SPIRE1: variants seen among roughly 807,000 people sequenced by gnomAD.
SPIRE1 encodes protein spire homolog 1.
In SPIRE1, 40 loss-of-function variants were observed where a neutral mutation model predicts 94.1. That is an observed-to-expected ratio of 0.43 (90% CI 0.33 to 0.55). SPIRE1 has a LOEUF of 0.55. SPIRE1 is among the 20% of genes least tolerant of loss of function. SPIRE1 has a pLI of 0.06. For synonymous variants in SPIRE1, 376 were observed against 371.7 expected (o/e 1.01, Z -0.13); for missense variants, 838 against 975.2 (o/e 0.86, Z 1.87).
intron 2 of SPIRE1, among the ~76,000 whole-genome samples, chr18:12,600,894 T>C (rs1272434333): frequency 2.0e-5 from 3 of 152,086 alleles, no homozygotes; most frequent in African/African-American, 7.2e-5. Context: ...AACTAATTTT[T>C]GTGTTTTTGT....
intron 1 of SPIRE1, among the ~76,000 whole-genome samples, chr18:12,636,567 T>C (rs1191987947): frequency 6.6e-6 from 1 of 151,550 alleles, no homozygotes; most frequent in Non-Finnish European, 1.5e-5. Context: ...CAACTCCTCA[T>C]CTCTTAATGA....
At chr18:12,564,428 G>T (rs1354024568) in intron 2 of SPIRE1, among the ~76,000 whole-genome samples, 1 of 152,040 alleles carries the variant, frequency 6.6e-6, no homozygotes, top group Admixed American at 6.6e-5. Context: ...CATGTATAAG[G>T]CAAAACAAAA....
chr18:12,498,514 C>T (rs2033542872), intron 6 of SPIRE1, among the ~76,000 whole-genome samples: 1 of 152,124 alleles, frequency 6.6e-6, no homozygotes, highest in Admixed American at 6.5e-5. Context: ...TCCTAAAGTG[C>T]TGGGATTTCA....
intron 6 of SPIRE1, among the ~76,000 whole-genome samples, chr18:12,496,920 T>C (rs1240358214): frequency 1.4e-4 from 21 of 151,734 alleles, no homozygotes; most frequent in Admixed American, 1.2e-3. Flanking sequence ...ATACAAAAAT[T>C]AGCCAGGCAT....
intron 5 of SPIRE1, 76 bp from the exon 6 acceptor site, chr18:12,506,717 AAATG>A: frequency 7.4e-7 from 1 of 1,350,430 alleles, no homozygotes; most frequent in African/African-American, 1.5e-5. Context: ...CATACAGAAT[AAATG>A]AAGAGCTTGG....
intron 8 of SPIRE1, among the ~76,000 whole-genome samples, chr18:12,489,739 G>C (rs76650767): frequency 0.082 from 12,494 of 152,218 alleles, 738 homozygotes; most frequent in Non-Finnish European, 0.12. Flanking sequence ...TAATGACATA[G>C]GAAGATGGTC....
chr18:12,519,652 A>T (rs889834253), intron 4 of SPIRE1, among the ~76,000 whole-genome samples: 1 of 152,254 alleles, frequency 6.6e-6, no homozygotes, highest in Non-Finnish European at 1.5e-5. Context: ...GCTCATTAGA[A>T]AAATGAACAA....
intron 1 of SPIRE1, among the ~76,000 whole-genome samples, chr18:12,655,298 G>A (rs981632136): frequency 4.6e-5 from 7 of 151,874 alleles, no homozygotes; most frequent in African/African-American, 1.7e-4. Flanking sequence ...AAGAAAGAAG[G>A]AAGGAATAGA....
intron 2 of SPIRE1, among the ~76,000 whole-genome samples, chr18:12,605,775 G>A (rs2036957722): frequency 6.6e-6 from 1 of 152,174 alleles, no homozygotes; most frequent in East Asian, 1.9e-4. Flanking sequence ...ATGAATATCT[G>A]TATTAGAGTA....
chr18:12,579,412 C>T (rs760632997), intron 2 of SPIRE1, among the ~76,000 whole-genome samples: 2 of 152,146 alleles, frequency 1.3e-5, no homozygotes, highest in Non-Finnish European at 2.9e-5. Flanking sequence ...TATGATTCCA[C>T]TTACATGAAC....
At chr18:12,614,760 G>A (rs1205026869) in intron 2 of SPIRE1, among the ~76,000 whole-genome samples, 1 of 152,182 alleles carries the variant, frequency 6.6e-6, no homozygotes, top group Non-Finnish European at 1.5e-5. Flanking sequence ...AGAGGTTGCA[G>A]TGAGCTGAGA....
intron 2 of SPIRE1, among the ~76,000 whole-genome samples, chr18:12,602,224 C>A (rs2036855137): frequency 6.6e-6 from 1 of 151,978 alleles, no homozygotes; most frequent in Admixed American, 6.6e-5. Flanking sequence ...GATAAAAATC[C>A]CTTCCTTTCT....
At chr18:12,546,611 A>C in intron 3 of SPIRE1, 63 bp downstream of exon 3, 1 of 1,211,892 alleles carries the variant, frequency 8.3e-7, no homozygotes, top group Non-Finnish European at 1.2e-6. Context: ...CAGGGGGGGA[A>C]AAAAAAGAAG....
In SPIRE1 at chr18:12,447,714, CT is replaced by C. The variant is rs2031010467; in HGVS notation, c.*1923del. On this transcript the variant is annotated 3_prime_UTR_variant, in exon 17 of 17. Transcript: ENST00000409402. ...GTGAAAGACATGTACTAGATGTTTG[CT>C]TTGTGAATGTGAATGAAAGTCTTAT... 1 of 152,086 alleles carries C rather than the reference CT, an allele frequency of 6.6e-6. No homozygotes were observed. The highest frequency in any genetic ancestry group is 6.6e-5 in the Admixed American group (1 of 15,266). The allele number at this position is 152,086 out of a possible 1,614,324, so 9.4% of individuals were successfully genotyped here. A position where few individuals can be genotyped will look rare whatever the true frequency, so the allele number is the denominator to read the frequency against.
intron 2 of SPIRE1, among the ~76,000 whole-genome samples, chr18:12,630,140 T>C (rs1328490968): frequency 6.6e-6 from 1 of 152,186 alleles, no homozygotes; most frequent in African/African-American, 2.4e-5. Flanking sequence ...ACAAAAACTA[T>C]TAAAATTAAA....
chr18:12,574,077 G>A (rs1250741286), intron 2 of SPIRE1, among the ~76,000 whole-genome samples: 1 of 152,128 alleles, frequency 6.6e-6, no homozygotes, highest in Non-Finnish European at 1.5e-5. Context: ...GGTTCATGTA[G>A]TAAATGTACT....
rs1042690592 is a variant in SPIRE1 at position 12,476,632 on chromosome 18, C to T, written c.1404+3067G>A. On this transcript the variant is annotated intron_variant, in intron 10 of 16. Coordinates refer to ENST00000409402, the MANE Select transcript of SPIRE1 (RefSeq NM_001128626.2). ...ACATATATACACACACATATATATA[C>T]ACATATATATAAAAGAATTTCAAAT... 1.2e-4 allele frequency among the ~76,000 whole-genome samples: 17 copies of T among 137,506 alleles called. No homozygotes were observed. In the East Asian group the frequency reaches 3.4e-3, roughly 28 times the overall value. The allele number at this position is 137,506 out of a possible 152,430, so 90.2% of individuals were successfully genotyped here.
intron 4 of SPIRE1, among the ~76,000 whole-genome samples, chr18:12,530,892 T>C (rs1388230905): frequency 1.3e-5 from 2 of 152,350 alleles, no homozygotes; most frequent in East Asian, 3.9e-4. Context: ...AGTGTATTAC[T>C]GGAGAATTTG....
chr18:12,542,385 G>A (rs2035039481), intron 3 of SPIRE1, among the ~76,000 whole-genome samples: 1 of 152,164 alleles, frequency 6.6e-6, no homozygotes, highest in African/African-American at 2.4e-5. Flanking sequence ...GTGATTAATA[G>A]TCACATGTGG....
Sources: gnomAD v4.1 joint callset for allele counts (sites outside exome capture counted in the v4.1 genomes callset) on GRCh38, gnomAD v4.1.1 for gene constraint, MANE v1.5 for transcripts, NCBI Gene and HGNC (gene_info 2026-07-23, HGNC 2026-07-21) for gene names.